GRAMD2B: variants seen among roughly 807,000 people sequenced by gnomAD.
GRAMD2B encodes the protein GRAM domain-containing protein 2B.
GRAMD2B carries 41 observed loss-of-function variants against 59.2 expected under a neutral mutation model. The observed-to-expected ratio is 0.69, with a 90% CI of 0.54 to 0.90. The LOEUF is 0.90. Among genes scored for constraint, GRAMD2B ranks in the 40% least tolerant of loss-of-function variants. The pLI is 0.00. For synonymous variants in GRAMD2B, 161 were observed against 182.7 expected (o/e 0.88, Z 0.96); for missense variants, 424 against 500.5 (o/e 0.85, Z 1.46).
intron 1 of GRAMD2B, among the ~76,000 whole-genome samples, chr5:126,430,794 T>C (rs1761444668): frequency 6.6e-6 from 1 of 152,248 alleles, no homozygotes; most frequent in Non-Finnish European, 1.5e-5. Context: ...AATAAACATC[T>C]GTTGAATGTT....
chr5:126,477,851 A>AG, intron 6 of GRAMD2B, 64 bp downstream of exon 6: 1 of 953,118 alleles, frequency 1.0e-6, no homozygotes. Context: ...CTGCTGCCTA[A>AG]GGGGTCTCTT....
intron 1 of GRAMD2B, among the ~76,000 whole-genome samples, chr5:126,441,186 C>G (rs977632335): frequency 5.3e-5 from 8 of 151,832 alleles, no homozygotes; most frequent in African/African-American, 1.9e-4. Context: ...CTTAAGATCC[C>G]CTACTTTGTA....
intron 1 of GRAMD2B, among the ~76,000 whole-genome samples, chr5:126,374,086 G>A (rs147691305): frequency 6.6e-6 from 1 of 152,270 alleles, no homozygotes; most frequent in African/African-American, 2.4e-5. Flanking sequence ...TTGTGGAAGG[G>A]TGTCTCTAAG....
At chr5:126,400,310 T>A (rs950432785) in intron 1 of GRAMD2B, among the ~76,000 whole-genome samples, 2 of 152,158 alleles carry the variant, frequency 1.3e-5, no homozygotes, top group African/African-American at 2.4e-5. Flanking sequence ...TGTAAGCTGA[T>A]AATAACTCCA....
chr5:126,374,473 TA>T (rs1755020674), intron 1 of GRAMD2B, among the ~76,000 whole-genome samples: 1 of 152,216 alleles, frequency 6.6e-6, no homozygotes, highest in Non-Finnish European at 1.5e-5. Flanking sequence ...GATCTTTTGT[TA>T]TGTGTTGCAA....
intron 1 of GRAMD2B, chr5:126,462,259 G>A (rs9327407): frequency 0.82 from 135,098 of 164,472 alleles, 58,777 homozygotes; most frequent in East Asian, 0.99. Context: ...GTTCAGCTTC[G>A]TTGACCGTAA....
intron 1 of GRAMD2B, among the ~76,000 whole-genome samples, chr5:126,362,468 A>G (rs2149682693): frequency 6.6e-6 from 1 of 152,326 alleles, no homozygotes; most frequent in Non-Finnish European, 1.5e-5. Flanking sequence ...ATTATTACAA[A>G]CAGGTGAAGT....
intron 1 of GRAMD2B, among the ~76,000 whole-genome samples, chr5:126,447,525 G>A (rs62391854): frequency 0.32 from 49,064 of 151,822 alleles, 8,397 homozygotes; most frequent in African/African-American, 0.44. Flanking sequence ...TTAGCCGGGC[G>A]TGGTGGCGGG....
chr5:126,387,756 G>GA (rs1258545781), intron 1 of GRAMD2B, among the ~76,000 whole-genome samples: 2 of 151,956 alleles, frequency 1.3e-5, no homozygotes, highest in Admixed American at 6.6e-5. Flanking sequence ...AAAGAAGAGA[G>GA]AAAAAATCAA....
intron 5 of GRAMD2B, among the ~76,000 whole-genome samples, chr5:126,476,615 A>G (rs1241923175): frequency 6.6e-6 from 1 of 152,220 alleles, no homozygotes; most frequent in African/African-American, 2.4e-5. Flanking sequence ...CCATCTTTGT[A>G]ACTTCTTATG....
intron 1 of GRAMD2B, among the ~76,000 whole-genome samples, chr5:126,397,974 C>T (rs1356681921): frequency 6.7e-6 from 1 of 150,344 alleles, no homozygotes; most frequent in Non-Finnish European, 1.5e-5. Context: ...AGTAGAATTA[C>T]CTATGAAGTC....
At chr5:126,392,201 G>T (rs1756870422) in intron 1 of GRAMD2B, among the ~76,000 whole-genome samples, 1 of 152,160 alleles carries the variant, frequency 6.6e-6, no homozygotes, top group Non-Finnish European at 1.5e-5. Context: ...AAAAGGGGTT[G>T]TGTTCCCCAA....
chr5:126,383,715 G>A (rs577185430), intron 1 of GRAMD2B, among the ~76,000 whole-genome samples: 12 of 152,256 alleles, frequency 7.9e-5, no homozygotes, highest in African/African-American at 2.9e-4. Context: ...CATTATCCAA[G>A]TTCATGGACG....
intron 4 of GRAMD2B, 74 bp from the exon 5 acceptor site, chr5:126,473,191 C>A: frequency 1.9e-6 from 1 of 518,066 alleles, no homozygotes; most frequent in Non-Finnish European, 3.4e-6. Context: ...ATCCTTGAGT[C>A]ACCAAAATAT....
intron 9 of GRAMD2B, 41 bp downstream of exon 9, chr5:126,483,615 C>A: frequency 9.1e-7 from 1 of 1,094,840 alleles, no homozygotes. Flanking sequence ...TTTAATTCCC[C>A]TCAAAACATC....
Position 126,492,930 on chromosome 5 carries a change from C to A in GRAMD2B, c.1273C>A (p.Gln425Lys), listed in dbSNP as rs760405715. The change falls in exon 14 of 14, where the codon CAG becomes AAG. Residue 425 changes from glutamine to lysine, a missense_variant. Coordinates refer to ENST00000285689, the MANE Select transcript of GRAMD2B (RefSeq NM_023927.4). ...VKLEKIQNNL[Q>K]KLLENGD ...TTATTTCAAGATACAAAATAACTTA[C>A]AGAAGTTGCTTGAGAATGGTGACTG... 1.2e-6 allele frequency: 2 copies of A among 1,608,990 alleles called. No homozygotes were observed. Among genetic ancestry groups the A allele is most frequent in the South Asian group, 2.2e-5 (2 of 90,942 alleles).
chr5:126,456,333 C>A (rs113510404), intron 1 of GRAMD2B, among the ~76,000 whole-genome samples: 1 of 152,202 alleles, frequency 6.6e-6, no homozygotes, highest in African/African-American at 2.4e-5. Flanking sequence ...ACCTCAGCAT[C>A]CTGAGCAGCT....
chr5:126,410,405 G>A (rs535038038), intron 1 of GRAMD2B, among the ~76,000 whole-genome samples: 36 of 151,234 alleles, frequency 2.4e-4, no homozygotes, highest in South Asian at 1.7e-3. Flanking sequence ...GGTCCTTCAC[G>A]TCCCTTGTAA....
intron 2 of GRAMD2B, among the ~76,000 whole-genome samples, chr5:126,467,900 CTT>C (rs1768764914): frequency 6.6e-6 from 1 of 152,192 alleles, no homozygotes; most frequent in Admixed American, 6.5e-5. Flanking sequence ...TATAGTCCAT[CTT>C]TTCACAGCTG....
Sources: gnomAD v4.1 joint callset for allele counts (sites outside exome capture counted in the v4.1 genomes callset) on GRCh38, gnomAD v4.1.1 for gene constraint, MANE v1.5 for transcripts, NCBI Gene and HGNC (gene_info 2026-07-23, HGNC 2026-07-21) for gene names.